PPP2R3A: variants seen among roughly 807,000 people sequenced by gnomAD.
PPP2R3A encodes the protein protein phosphatase 2 regulatory subunit B''alpha, also known as serine/threonine-protein phosphatase 2A regulatory subunit B'' subunit alpha.
Under a neutral mutation model 106.9 loss-of-function variants are expected in PPP2R3A, and 80 were observed. The ratio of observed to expected loss-of-function variants is 0.75; its 90% CI spans 0.62 to 0.90. The LOEUF is 0.90. PPP2R3A is among the 40% of genes least tolerant of loss of function. The pLI is 0.00. For synonymous variants in PPP2R3A, 483 were observed against 468.3 expected (o/e 1.03, Z -0.41); for missense variants, 1,386 against 1,350.4 (o/e 1.03, Z -0.41).
chr3:136,112,977 A>G (rs1322167433), intron 13 of PPP2R3A, among the ~76,000 whole-genome samples: 1 of 152,106 alleles, frequency 6.6e-6, no homozygotes, highest in Non-Finnish European at 1.5e-5. Context: ...TACTAAAACT[A>G]CAAAAATGAG....
At chr3:136,019,859 T>G (rs1203137164) in intron 2 of PPP2R3A, among the ~76,000 whole-genome samples, 1 of 152,142 alleles carries the variant, frequency 6.6e-6, no homozygotes, top group Non-Finnish European at 1.5e-5. Flanking sequence ...TCAAAAGACA[T>G]GAAGAAATAT....
At chr3:136,112,709 T>C (rs892092059) in intron 13 of PPP2R3A, among the ~76,000 whole-genome samples, 2 of 152,202 alleles carry the variant, frequency 1.3e-5, no homozygotes, top group Non-Finnish European at 2.9e-5. Context: ...ATGCTGCCCA[T>C]TGTGCTCGTG....
chr3:136,061,168 AAGAG>A (rs1450863339), intron 5 of PPP2R3A, among the ~76,000 whole-genome samples: 1 of 152,196 alleles, frequency 6.6e-6, no homozygotes, highest in Non-Finnish European at 1.5e-5. Flanking sequence ...TTCAGAGAGA[AAGAG>A]AGAGAGAAAA....
chr3:136,055,761 G>T (rs1576467118), intron 5 of PPP2R3A: 1 of 641,076 alleles, frequency 1.6e-6, no homozygotes, highest in East Asian at 2.6e-5. Context: ...ATGTGGTGAT[G>T]AGAATTTTTT....
rs755158629 is a variant in PPP2R3A at position 136,078,414 on chromosome 3, A to C, written c.2592A>C (p.Lys864Asn). ...FYTVNRSWSGKITSTEIRKSN... is the reference protein window; with the variant it reads ...FYTVNRSWSGNITSTEIRKSN... The stretch of plus-strand genomic sequence containing the variant: ...CAGTCAACAGATCTTGGAGTGGAAA[A>C]ATTACTTCGACAGAGATAAGAAAAA... The change falls in exon 7 of 14, where the codon AAA (lysine) becomes AAC (asparagine). Residue 864 changes from lysine (K) to asparagine (N), a missense_variant. By Grantham distance (94) the Lys-to-Asn change is moderately conservative. Transcript: ENST00000264977. 2.5e-6 allele frequency: 4 copies of C among 1,611,346 alleles called. No homozygotes were observed. Among genetic ancestry groups the C allele is most frequent in the Non-Finnish European group, 3.4e-6 (4 of 1,178,050 alleles).
chr3:136,009,770 G>A (rs1224242892), intron 2 of PPP2R3A, among the ~76,000 whole-genome samples: 2 of 152,088 alleles, frequency 1.3e-5, no homozygotes, highest in Non-Finnish European at 2.9e-5. Context: ...GCCATAATTC[G>A]TCACTAAAAT....
At chr3:136,004,055 C>T (rs1024019211) in intron 2 of PPP2R3A, among the ~76,000 whole-genome samples, 1 of 152,164 alleles carries the variant, frequency 6.6e-6, no homozygotes, top group African/African-American at 2.4e-5. Context: ...GAACACCATT[C>T]TGAAAGTATT....
intron 13 of PPP2R3A, among the ~76,000 whole-genome samples, chr3:136,107,761 C>T (rs575727790): frequency 1.3e-5 from 2 of 152,256 alleles, no homozygotes; most frequent in South Asian, 4.1e-4. Context: ...CCCTTAAAAT[C>T]ATTCATCGTG....
intron 4 of PPP2R3A, among the ~76,000 whole-genome samples, chr3:136,042,462 C>T (rs962428148): frequency 1.3e-5 from 2 of 152,038 alleles, no homozygotes; most frequent in African/African-American, 4.8e-5. Flanking sequence ...ATGTAACAGA[C>T]GTGCACATCC....
intron 4 of PPP2R3A, 122 bp from the exon 5 acceptor site, chr3:136,049,137 A>G (rs912534243): frequency 3.7e-5 from 26 of 694,642 alleles, no homozygotes; most frequent in Non-Finnish European, 5.6e-5. Flanking sequence ...GATTATGTAA[A>G]TTCCTTACTT....
intron 8 of PPP2R3A, among the ~76,000 whole-genome samples, chr3:136,085,264 G>C (rs978887760): frequency 6.6e-6 from 1 of 152,136 alleles, no homozygotes; most frequent in African/African-American, 2.4e-5. Flanking sequence ...TCTCATGAGA[G>C]CTCATGGTTT....
chr3:136,104,965 TA>T (rs1346319804), intron 12 of PPP2R3A, among the ~76,000 whole-genome samples: 3 of 152,230 alleles, frequency 2.0e-5, no homozygotes, highest in Admixed American at 6.5e-5. Flanking sequence ...ATAAATGGTA[TA>T]ATTATTGATA....
chr3:136,029,684 C>CA (rs1180947887), intron 3 of PPP2R3A, among the ~76,000 whole-genome samples: 1 of 152,140 alleles, frequency 6.6e-6, no homozygotes, highest in African/African-American at 2.4e-5. Context: ...GCCATAGGGA[C>CA]AGTCATTTAC....
Position 136,087,874 on chromosome 3 carries a change from T to C in PPP2R3A, c.2789-9T>C. On this transcript the variant is annotated splice_polypyrimidine_tract_variant and intron_variant, in intron 8 of 13. Transcript: ENST00000264977. ...CTAGCTTTGCAATTTTTTTTTTATC[T>C]ACATTTAGCTTCATCAAGCAGGATT... The C allele has an allele frequency of 6.2e-7, 1 of 1,601,396 alleles. No individual in the cohort carries two copies. Among genetic ancestry groups the C allele is most frequent in the Non-Finnish European group, 8.5e-7 (1 of 1,173,014 alleles).
chr3:136,000,701 T>G (rs995526923), intron 1 of PPP2R3A, among the ~76,000 whole-genome samples: 21 of 151,984 alleles, frequency 1.4e-4, no homozygotes, highest in Non-Finnish European at 2.9e-5. Flanking sequence ...TAAAAGTGAG[T>G]CAAAAGAGGT....
intron 1 of PPP2R3A, among the ~76,000 whole-genome samples, chr3:135,985,329 TTCTCTCTC>T (rs145190722): frequency 1.6e-5 from 2 of 128,590 alleles, no homozygotes; most frequent in African/African-American, 5.9e-5. Flanking sequence ...CCCTTTCCCT[TTCTCTCTC>T]TCTCTCTCTC....
intron 1 of PPP2R3A, among the ~76,000 whole-genome samples, chr3:135,974,631 A>G (rs571157810): frequency 5.5e-4 from 83 of 152,268 alleles, no homozygotes; most frequent in African/African-American, 1.8e-3. Flanking sequence ...TGTTTCTCCT[A>G]GTAAAGCTTC....
At chr3:136,093,063 C>T (rs1012159194) in intron 10 of PPP2R3A, among the ~76,000 whole-genome samples, 5 of 152,094 alleles carry the variant, frequency 3.3e-5, no homozygotes, top group African/African-American at 1.2e-4. Context: ...AGATGTGACA[C>T]CAAAAGCATA....
At position 136,102,117 on chromosome 3, in the gene PPP2R3A, T is replaced by C. The variant is rs781119125; in HGVS notation, c.3038T>C (p.Ile1013Thr). The C allele has an allele frequency of 5.6e-6, 9 of 1,613,900 alleles. No homozygotes were observed. The highest frequency in any genetic ancestry group is 2.7e-5 in the African/African-American group (2 of 75,016). ...TGTGAACGGATGGAAGCCATGGGAA[T>C]TGAGCCCTTGCCATTCCATGATTTA... ...EQCERMEAMG[I>T]EPLPFHDLLC... The change falls in exon 11 of 14, where the codon ATT becomes ACT. Residue 1013 changes from isoleucine to threonine, a missense_variant. Ile to Thr is a moderately conservative substitution (Grantham distance 89, BLOSUM62 -1). Coordinates refer to ENST00000264977, the MANE Select transcript of PPP2R3A (RefSeq NM_002718.5).
Sources: gnomAD v4.1 joint callset for allele counts (sites outside exome capture counted in the v4.1 genomes callset) on GRCh38, gnomAD v4.1.1 for gene constraint, MANE v1.5 for transcripts, NCBI Gene and HGNC (gene_info 2026-07-23, HGNC 2026-07-21) for gene names.